The following YOD1 variants were observed in gnomAD, a reference collection of about 807,000 sequenced individuals.
YOD1 encodes YOD1 deubiquitinase, also known as ubiquitin thioesterase OTU1.
In YOD1, 17 loss-of-function variants were observed where a neutral mutation model predicts 23.7. The observed-to-expected ratio is 0.72, with a 90% confidence interval of 0.49 to 1.07. The LOEUF (loss-of-function observed/expected upper bound fraction) is 1.07, where lower values mean the gene tolerates loss of function less well. YOD1 is among the 50% of genes least tolerant of loss of function. The pLI, the probability that YOD1 is intolerant of heterozygous loss-of-function variation, is 0.00. For synonymous variants in YOD1, 191 were observed against 169.6 expected, an observed-to-expected ratio of 1.13 and a Z score of -0.98; for missense variants, 413 against 447.2, an observed-to-expected ratio of 0.92 and a Z score of 0.69.
At chr1:207,052,375 G>A (rs1339979963), upstream of YOD1, 4 of 669,210 alleles carry the variant, frequency 6.0e-6, no homozygotes, top group East Asian at 5.5e-5. Flanking sequence ...GAAGTCCACC[G>A]GGGTGGCCGG....
upstream of YOD1, chr1:207,052,836 T>C (rs1682790907): frequency 6.6e-6 from 1 of 152,342 alleles, no homozygotes; most frequent in Admixed American, 6.5e-5. Context: ...TGGTAGTTTA[T>C]TCTAGCAAAA....
intron 1 of YOD1, 128 bp downstream of exon 1, chr1:207,050,560 T>C (rs1279967861): frequency 8.1e-7 from 1 of 1,237,614 alleles, no homozygotes; most frequent in African/African-American, 1.5e-5. Context: ...CTTTGATCTA[T>C]CCTCGCCCCT....
At chr1:207,050,586 C>CT in intron 1 of YOD1, 102 bp downstream of exon 1, 1 of 1,518,416 alleles carries the variant, frequency 6.6e-7, no homozygotes, top group Non-Finnish European at 8.9e-7. Flanking sequence ...CAAAGCCCCC[C>CT]CGCCGACTCA....
rs1277208415 is a variant in YOD1, at chr1:207,049,138, A to C, written c.929T>G (p.Phe310Cys). The C allele has an allele frequency of 6.2e-7, 1 of 1,613,968 alleles. No individual in the cohort carries two copies. The highest frequency in any genetic ancestry group is 1.3e-5 in the African/African-American group (1 of 74,970). ...LADEARRRRQ[F>C]TDVNRFTLRC... ...CAGGGTGAAGCGGTTGACATCAGTA[A>C]ACTGTCTCCTTCTTCTAGCTTCATC... The change falls in exon 2 of 2, where the codon TTT becomes TGT. Residue 310 changes from phenylalanine (F) to cysteine (C), a missense_variant. Phe to Cys is a radical substitution (Grantham distance 205). Transcript: ENST00000315927.
chr1:207,052,397 C>G, upstream of YOD1: 1 of 592,938 alleles, frequency 1.7e-6, no homozygotes, highest in Non-Finnish European at 3.0e-6. Context: ...CGCAGTGGCT[C>G]ACACCTGTAA....
At chr1:207,052,603 G>C (rs1682783552), upstream of YOD1, among the ~76,000 whole-genome samples, 1 of 152,210 alleles carries the variant, frequency 6.6e-6, no homozygotes, top group Non-Finnish European at 1.5e-5. Context: ...GCGGTGCCAA[G>C]GTCGTGCCAT....
upstream of YOD1, chr1:207,052,034 A>G (rs745733474): frequency 4.4e-5 from 29 of 659,606 alleles, no homozygotes; most frequent in Middle Eastern, 5.5e-4. Flanking sequence ...CTGAATTTAT[A>G]TCTCTCTTTT....
At position 207,051,075 on chromosome 1, in the gene YOD1, C is replaced by A. The variant is rs34083885; in HGVS notation, c.-45G>T. On this transcript the variant is annotated 5_prime_UTR_variant, in exon 1 of 2. Transcript: ENST00000315927. Reference sequence around the variant, plus strand: ...TTGCAGTTATCGCGACGCTTCGGTGCGGCTTCTGCCTTAGTACCTTAGCAA... The same window carrying A: ...TTGCAGTTATCGCGACGCTTCGGTGAGGCTTCTGCCTTAGTACCTTAGCAA... 6.8e-6 allele frequency: 10 copies of A among 1,461,240 alleles called. No individual in the cohort carries two copies. Among genetic ancestry groups the A allele is most frequent in the Non-Finnish European group, 6.3e-6 (7 of 1,110,346 alleles). The allele number at this position is 1,461,240 out of a possible 1,614,324, so 90.5% of individuals were successfully genotyped here.
At chr1:207,050,279 G>A (rs1682705085) in intron 1 of YOD1, among the ~76,000 whole-genome samples, 2 of 152,054 alleles carry the variant, frequency 1.3e-5, no homozygotes, top group Non-Finnish European at 1.5e-5. Flanking sequence ...TATCTACGAA[G>A]GGGACTGCAA....
chr1:207,052,658 A>G (rs542148604), upstream of YOD1, among the ~76,000 whole-genome samples: 1 of 152,152 alleles, frequency 6.6e-6, no homozygotes, highest in Non-Finnish European at 1.5e-5. Context: ...ATCTCAAAAA[A>G]CAAAAACCAA....
rs1485101720 is a variant in YOD1 at position 207,044,121 on chromosome 1, T to C, written c.*4899A>G. Reference sequence around the variant, plus strand: ...TTTCTTATGCTGTTTTGCCCATCCCTACTTTTTCAAGTCATATTCTAAAGC... The same window carrying C: ...TTTCTTATGCTGTTTTGCCCATCCCCACTTTTTCAAGTCATATTCTAAAGC... On this transcript the variant is annotated 3_prime_UTR_variant, in exon 2 of 2. Coordinates refer to ENST00000315927, the MANE Select transcript of YOD1 (RefSeq NM_018566.4). 1.3e-5 allele frequency: 2 copies of C among 152,450 alleles called. No individual in the cohort carries two copies. The highest frequency in any genetic ancestry group is 4.8e-5 in the African/African-American group (2 of 41,472). The allele number at this position is 152,450 out of a possible 1,614,324, so 9.4% of individuals were successfully genotyped here. A position where few individuals can be genotyped will look rare whatever the true frequency, so the allele number is the denominator to read the frequency against.
chr1:207,050,794 G>A lies in YOD1; in HGVS notation c.237C>T (p.Ile79=). 6.2e-7 allele frequency: 1 copy of A among 1,613,466 alleles called. No individual in the cohort carries two copies. The highest frequency in any genetic ancestry group is 8.5e-7 in the Non-Finnish European group (1 of 1,180,024). Residue 79 remains isoleucine (I), a synonymous_variant, in exon 1 of 2, where the codon ATC becomes ATT. Transcript: ENST00000315927. ...VRELQGQIAA[I]TGIAPGGQRI... ...GCTGACCGCCGGGGGCGATCCCGGTGATGGCGGCAATTTGGCCCTGGAGTT... is the reference window on the plus strand; with the variant it reads ...GCTGACCGCCGGGGGCGATCCCGGTAATGGCGGCAATTTGGCCCTGGAGTT...
At chr1:207,052,312 G>A, upstream of YOD1, 1 of 1,245,544 alleles carries the variant, frequency 8.0e-7, no homozygotes, top group South Asian at 1.2e-5. Flanking sequence ...CGACTGCAAC[G>A]GATGATACAG....
chr1:207,046,846 C>T lies in YOD1; in HGVS notation c.*2174G>A, dbSNP rs1362743367. 6.6e-6 allele frequency: 1 copy of T among 151,894 alleles called. No individual in the cohort carries two copies. The highest frequency in any genetic ancestry group is 1.5e-5 in the Non-Finnish European group (1 of 67,888). The allele number at this position is 151,894 out of a possible 1,614,324, so 9.4% of individuals were successfully genotyped here. ...AACATATCAAAACATATGACAGAAA[C>T]ATATCAAAACATGCCTGGCACAGTA... On this transcript the variant is annotated 3_prime_UTR_variant, in exon 2 of 2. Transcript: ENST00000315927.
rs1682734382 is a variant in YOD1 at position 207,050,988 on chromosome 1, C to A, written c.43G>T (p.Ala15Ser). The A allele has an allele frequency of 2.0e-6, 3 of 1,532,372 alleles. No individual in the cohort carries two copies. Among genetic ancestry groups the A allele is most frequent in the Non-Finnish European group, 2.6e-6 (3 of 1,136,888 alleles). 94.9% of individuals were successfully genotyped at this position (1,532,372 alleles called of 1,614,324 possible). A position where few individuals can be genotyped will look rare whatever the true frequency, so the allele number is the denominator to read the frequency against. Residue 15 changes from alanine to serine, a missense_variant, in exon 1 of 2, where the codon GCG (alanine) becomes TCG (serine). Ala to Ser is a moderately conservative substitution (Grantham distance 99). Coordinates refer to ENST00000315927, the MANE Select transcript of YOD1 (RefSeq NM_018566.4). ...AKGRHFGVHP[A>S]PGFPGGVSQQ... is the part of the protein sequence containing the mutation. ...GAGACGCCGCCGGGGAAACCAGGCG[C>A]CGGGTGGACTCCAAAATGGCGACCT... is the stretch of plus-strand genomic sequence containing the variant.
chr1:207,044,952 C>T lies in YOD1; in HGVS notation c.*4068G>A, dbSNP rs555046852. 1 of 152,424 alleles carries T rather than the reference C, an allele frequency of 6.6e-6. No homozygotes were observed. Among genetic ancestry groups the T allele is most frequent in the Admixed American group, 6.5e-5 (1 of 15,272 alleles). The allele number at this position is 152,424 out of a possible 1,614,324, so 9.4% of individuals were successfully genotyped here. ...CATTCAAAGCACTGTAAGCAAAATG[C>T]TAGATAATTTTGAGAAAAATAAACA... On this transcript the variant is annotated 3_prime_UTR_variant, in exon 2 of 2. Transcript: ENST00000315927.
At position 207,048,772 on chromosome 1, in the gene YOD1, G is replaced by C. The variant is rs1465634167; in HGVS notation, c.*248C>G. On this transcript the variant is annotated 3_prime_UTR_variant, in exon 2 of 2. Transcript: ENST00000315927. ...CAGGTCAGTGTCAGTAGGTGGCAAGGATCACCTATTCTGTCACTCCAGCAG... is the reference window on the plus strand; with the variant it reads ...CAGGTCAGTGTCAGTAGGTGGCAAGCATCACCTATTCTGTCACTCCAGCAG... 4 of 458,896 alleles carry C rather than the reference G, an allele frequency of 8.7e-6. No individual in the cohort carries two copies. Among genetic ancestry groups the C allele is most frequent in the Non-Finnish European group, 1.6e-5 (4 of 255,828 alleles). The allele number at this position is 458,896 out of a possible 1,614,324, so 28.4% of individuals were successfully genotyped here. A position where few individuals can be genotyped will look rare whatever the true frequency, so the allele number is the denominator to read the frequency against.
At chr1:207,052,269 G>C (rs747374078), upstream of YOD1, 1 of 1,579,706 alleles carries the variant, frequency 6.3e-7, no homozygotes, top group Non-Finnish European at 8.7e-7. Context: ...ATTTTTTTTT[G>C]CTGGTGCAAT....
At position 207,051,138 on chromosome 1, in the gene YOD1, C is replaced by A. The variant is rs1291230256; in HGVS notation, c.-108G>T. ...TTAAAGTGACAACTGATTTTTCCCC[C>A]ACCCTCAGAACGAAGATGTAAACCT... On this transcript the variant is annotated 5_prime_UTR_variant, in exon 1 of 2. Coordinates refer to ENST00000315927, the MANE Select transcript of YOD1 (RefSeq NM_018566.4). 2.1e-6 allele frequency: 3 copies of A among 1,422,366 alleles called. No individual in the cohort carries two copies. The highest frequency in any genetic ancestry group is 1.8e-6 in the Non-Finnish European group (2 of 1,093,508). The allele number at this position is 1,422,366 out of a possible 1,614,324, so 88.1% of individuals were successfully genotyped here.
Sources: gnomAD v4.1 joint callset for allele counts (sites outside exome capture counted in the v4.1 genomes callset) on GRCh38, gnomAD v4.1.1 for gene constraint, MANE v1.5 for transcripts, NCBI Gene and HGNC (gene_info 2026-07-23, HGNC 2026-07-21) for gene names.